The following SATL1 variants were observed in gnomAD, a reference collection of about 807,000 sequenced individuals.
SATL1 encodes the protein spermidine/spermine N(1)-acetyltransferase-like protein 1.
In SATL1, 47 loss-of-function variants were observed where a neutral mutation model predicts 51.8. That is an observed-to-expected ratio of 0.91 (90% confidence interval 0.72 to 1.16). The LOEUF is 1.16. Among genes scored for constraint, SATL1 ranks in the 50% most tolerant of loss-of-function variants. SATL1 has a pLI of 0.00. For missense variants in SATL1, 520 were observed against 526.4 expected, an observed-to-expected ratio of 0.99 and a Z score of 0.12; for synonymous variants, 176 against 182.4, an observed-to-expected ratio of 0.97 and a Z score of 0.28.
At chrX:85,208,669 T>C (rs1270744107) in intron 2 of SATL1, 1 of 112,645 alleles carries the variant, frequency 8.9e-6, no homozygotes, top group African/African-American at 3.2e-5. Flanking sequence ...GAGCATCTTT[T>C]CTTCTGTCTG....
At chrX:85,216,514 T>G (rs1323284129) in intron 2 of SATL1, among the ~76,000 whole-genome samples, 5 of 111,135 alleles carry the variant, frequency 4.5e-5, no homozygotes, top group Non-Finnish European at 7.5e-5. Context: ...CTATAGAACT[T>G]CATTCTCTTT....
intron 2 of SATL1, among the ~76,000 whole-genome samples, chrX:85,201,549 T>C (rs1927687934): frequency 9.0e-6 from 1 of 111,420 alleles, no homozygotes; most frequent in Non-Finnish European, 1.9e-5. Flanking sequence ...GTTGTACATA[T>C]TATTACATCA....
At chrX:85,222,687 C>T (rs1484238136) in intron 2 of SATL1, among the ~76,000 whole-genome samples, 3 of 111,314 alleles carry the variant, frequency 2.7e-5, no homozygotes, top group Non-Finnish European at 3.8e-5. Context: ...ATTTTAATTG[C>T]TTCCTGCTAA....
intron 2 of SATL1, among the ~76,000 whole-genome samples, chrX:85,220,908 AC>A (rs1465487485): frequency 9.1e-6 from 1 of 110,463 alleles, no homozygotes; most frequent in Non-Finnish European, 1.9e-5. Flanking sequence ...CCCCTCTCCT[AC>A]CATTATCTCT....
intron 4 of SATL1, 85 bp from the exon 5 acceptor site, chrX:85,095,081 C>G: frequency 1.1e-5 from 6 of 534,391 alleles, no homozygotes; most frequent in Non-Finnish European, 1.9e-5. Context: ...AGGAATTTCT[C>G]TCTCCACCTG....
chrX:85,111,258 T>C (rs1275849988), intron 2 of SATL1, among the ~76,000 whole-genome samples: 1 of 112,505 alleles, frequency 8.9e-6, no homozygotes, highest in Non-Finnish European at 1.9e-5. Context: ...GAGTTTATTT[T>C]GCATTTTCTT....
At chrX:85,187,783 T>C (rs1927345110) in intron 2 of SATL1, among the ~76,000 whole-genome samples, 2 of 111,802 alleles carry the variant, frequency 1.8e-5, no homozygotes, top group Admixed American at 1.9e-4. Flanking sequence ...AGTTTTGTTG[T>C]TATTGTTGTT....
chrX:85,147,137 G>A (rs982859658), intron 2 of SATL1, among the ~76,000 whole-genome samples: 8 of 114,606 alleles, frequency 7.0e-5, no homozygotes, highest in East Asian at 2.7e-4. Flanking sequence ...CTTTTCCGAC[G>A]GGCTTAAAAA....
intron 3 of SATL1, among the ~76,000 whole-genome samples, chrX:85,106,943 C>T (rs2077839131): frequency 9.0e-6 from 1 of 111,313 alleles, no homozygotes; most frequent in African/African-American, 3.3e-5. Flanking sequence ...ATTCTATCAT[C>T]GGTGGGTCAT....
At chrX:85,216,709 A>C (rs1191493480) in intron 2 of SATL1, among the ~76,000 whole-genome samples, 1 of 111,437 alleles carries the variant, frequency 9.0e-6, no homozygotes, top group Non-Finnish European at 1.9e-5. Context: ...TGTATTCAAG[A>C]GAGTAACTAT....
chrX:85,232,673 G>A (rs1054911826), intron 1 of SATL1, among the ~76,000 whole-genome samples: 1 of 111,669 alleles, frequency 9.0e-6, no homozygotes, highest in African/African-American at 3.3e-5. Flanking sequence ...CATGGCTCTG[G>A]GATGTTGGTG....
At chrX:85,113,253 G>A (rs12008519) in intron 2 of SATL1, among the ~76,000 whole-genome samples, 3,214 of 109,865 alleles carry the variant, frequency 0.029, 130 homozygotes, top group African/African-American at 0.1. Context: ...GCGTGATGGC[G>A]TGAAGGCAAG....
intron 2 of SATL1, among the ~76,000 whole-genome samples, chrX:85,181,117 G>A (rs990595468): frequency 2.8e-5 from 3 of 106,141 alleles, no homozygotes; most frequent in Admixed American, 1.0e-4. Flanking sequence ...GTGTGTGTGT[G>A]TATATACGTG....
At chrX:85,174,663 A>T (rs1423180834) in intron 2 of SATL1, among the ~76,000 whole-genome samples, 1 of 111,609 alleles carries the variant, frequency 9.0e-6, no homozygotes, top group Non-Finnish European at 1.9e-5. Flanking sequence ...AGAATAACTT[A>T]ACAGATGGGG....
At chrX:85,094,840 G>A (rs886931265) in intron 5 of SATL1, 76 bp downstream of exon 5, 2 of 631,222 alleles carry the variant, frequency 3.2e-6, no homozygotes, top group African/African-American at 4.4e-5. Flanking sequence ...GTAATTATAT[G>A]CTACAAAACT....
At position 85,092,311 on chromosome X, in the gene SATL1, A is replaced by G; in HGVS notation, c.*80T>C. The stretch of plus-strand genomic sequence containing the variant: ...TGATGATCACTTGCTGTATTGTACA[A>G]CAAAGTCAAACTGCTGTTAGACTCA... On this transcript the variant is annotated 3_prime_UTR_variant, in exon 8 of 8. Coordinates refer to ENST00000644105, the MANE Select transcript of SATL1 (RefSeq NM_001367857.2). The G allele has an allele frequency of 9.6e-7, 1 of 1,038,131 alleles. No homozygotes were observed. Among genetic ancestry groups the G allele is most frequent in the Non-Finnish European group, 1.3e-6 (1 of 783,519 alleles). The allele number at this position is 1,038,131 out of a possible 1,213,427, so 85.6% of individuals were successfully genotyped here. A position where few individuals can be genotyped will look rare whatever the true frequency, so the allele number is the denominator to read the frequency against.
intron 2 of SATL1, among the ~76,000 whole-genome samples, chrX:85,112,832 A>T (rs1415974072): frequency 9.0e-6 from 1 of 111,042 alleles, no homozygotes; most frequent in Non-Finnish European, 1.9e-5. Context: ...CAAAACAGTT[A>T]ACAACTGCCT....
chrX:85,195,084 T>C (rs1013349031), intron 2 of SATL1, among the ~76,000 whole-genome samples: 2 of 110,481 alleles, frequency 1.8e-5, no homozygotes, highest in African/African-American at 6.6e-5. Context: ...CTGTGTGTCA[T>C]AAGGATGGAG....
At chrX:85,232,732 A>C (rs1490907534) in intron 1 of SATL1, among the ~76,000 whole-genome samples, 1 of 111,707 alleles carries the variant, frequency 9.0e-6, no homozygotes, top group African/African-American at 3.3e-5. Context: ...GGAAAAGTGT[A>C]TATGACTTTG....
Sources: gnomAD v4.1 joint callset for allele counts (sites outside exome capture counted in the v4.1 genomes callset) on GRCh38, gnomAD v4.1.1 for gene constraint, MANE v1.5 for transcripts, NCBI Gene and HGNC (gene_info 2026-07-23, HGNC 2026-07-21) for gene names.